Variants in CTNND2 observed in about 807,000 individuals in gnomAD.
The protein encoded by CTNND2 is catenin delta-2.
A neutral mutation model predicts 144.4 loss-of-function variants in CTNND2; 22 were observed. The observed-to-expected ratio is 0.15, with a 90% CI of 0.11 to 0.22. The LOEUF (loss-of-function observed/expected upper bound fraction) is 0.22. CTNND2 is among the 10% of genes least tolerant of loss of function. CTNND2 has a pLI of 1.00. For synonymous variants in CTNND2, 751 were observed against 695.6 expected (o/e 1.08, Z -1.25); for missense variants, 1,353 against 1,618.8 (o/e 0.84, Z 2.82).
intron 10 of CTNND2, among the ~76,000 whole-genome samples, chr5:11,206,052 C>T (rs1207260425): frequency 1.3e-5 from 2 of 152,166 alleles, no homozygotes; most frequent in African/African-American, 2.4e-5. Context: ...CATTATGTGT[C>T]ACAGAACCAT....
chr5:11,102,651 T>C (rs1752011321), intron 14 of CTNND2, among the ~76,000 whole-genome samples: 1 of 152,186 alleles, frequency 6.6e-6, no homozygotes, highest in Non-Finnish European at 1.5e-5. Context: ...TAAAACTGTA[T>C]AGAATTGAAA....
rs569847368 is a variant in CTNND2, at chr5:11,080,901, C to A, written c.2788+1795G>T. Among the ~76,000 whole-genome samples the A allele has an allele frequency of 1.4e-4, 22 of 152,252 alleles. No individual in the cohort carries two copies. The South Asian group carries it at 4.4e-3, about 30-fold the overall frequency. The stretch of plus-strand genomic sequence containing the variant: ...GACCATCCTGGCCAACATGGTGAGG[C>A]CCCACCTCCACTAAAAAATACACAA... On this transcript the variant is annotated intron_variant, in intron 16 of 21. Coordinates refer to ENST00000304623, the MANE Select transcript of CTNND2 (RefSeq NM_001332.4).
chr5:11,164,060 T>C (rs61751852), intron 11 of CTNND2, among the ~76,000 whole-genome samples: 12,330 of 152,134 alleles, frequency 0.081, 839 homozygotes, highest in East Asian at 0.33. Context: ...GGGGGCTGCC[T>C]GCATCGCATT....
intron 2 of CTNND2, among the ~76,000 whole-genome samples, chr5:11,583,164 G>A (rs1778570703): frequency 1.3e-5 from 2 of 152,208 alleles, no homozygotes; most frequent in African/African-American, 4.8e-5. Context: ...CAATGCAACT[G>A]AGTCAGGAAG....
At chr5:11,761,760 T>C (rs903667159) in intron 1 of CTNND2, among the ~76,000 whole-genome samples, 3 of 152,162 alleles carry the variant, frequency 2.0e-5, no homozygotes, top group Admixed American at 1.3e-4. Flanking sequence ...TCAAGTAGCA[T>C]AGGATCTAAC....
chr5:11,585,515 T>TCTATCTAC (rs1554089677), intron 2 of CTNND2, among the ~76,000 whole-genome samples: 8 of 151,778 alleles, frequency 5.3e-5, no homozygotes, highest in Admixed American at 3.3e-4. Flanking sequence ...TATCTATCTA[T>TCTATCTAC]CTATCTATAT....
intron 3 of CTNND2, among the ~76,000 whole-genome samples, chr5:11,430,395 T>A (rs1038181498): frequency 9.4e-6 from 1 of 106,302 alleles, no homozygotes; most frequent in African/African-American, 3.6e-5. Context: ...AGTTCAAAAA[T>A]AATGATGTAG....
At chr5:11,446,035 G>A (rs576684029) in intron 3 of CTNND2, among the ~76,000 whole-genome samples, 4 of 152,282 alleles carry the variant, frequency 2.6e-5, no homozygotes, top group South Asian at 4.1e-4. Context: ...GCAGTGGCGC[G>A]ATCTTGGCTC....
intron 6 of CTNND2, among the ~76,000 whole-genome samples, chr5:11,389,462 T>C (rs1759421684): frequency 6.6e-6 from 1 of 151,038 alleles, no homozygotes; most frequent in Non-Finnish European, 1.5e-5. Flanking sequence ...TTAGGATATA[T>C]TCAGTGTCAC....
At chr5:11,447,995 A>C (rs1380910207) in intron 3 of CTNND2, among the ~76,000 whole-genome samples, 1 of 152,190 alleles carries the variant, frequency 6.6e-6, no homozygotes. Flanking sequence ...AGAAACTCGG[A>C]GTTGAAACTG....
chr5:11,876,216 GAGGGAGGAGGCGGGAGGCAGC>G (rs545339768), intron 1 of CTNND2, among the ~76,000 whole-genome samples: 1,666 of 151,716 alleles, frequency 0.011, 36 homozygotes, highest in Admixed American at 0.055. Context: ...GAGGAGGCAG[GAGGGAGGAGGCGGGAGGCAGC>G]AGGGAGGAGG....
chr5:11,458,260 G>C (rs1480958098), intron 3 of CTNND2, among the ~76,000 whole-genome samples: 1 of 151,810 alleles, frequency 6.6e-6, no homozygotes, highest in African/African-American at 2.4e-5. Context: ...AGGAAGACAG[G>C]CCCAGGGGAA....
At chr5:11,566,133 G>T (rs1053352217) in intron 2 of CTNND2, among the ~76,000 whole-genome samples, 1 of 152,144 alleles carries the variant, frequency 6.6e-6, no homozygotes, top group Non-Finnish European at 1.5e-5. Flanking sequence ...AGAATCTGGT[G>T]TGTCCCCTAT....
chr5:11,824,166 TA>T (rs1793478903), intron 1 of CTNND2, among the ~76,000 whole-genome samples: 1 of 151,350 alleles, frequency 6.6e-6, no homozygotes, highest in South Asian at 2.1e-4. Context: ...TTTAAAAAAT[TA>T]TTAGACTTCT....
intron 9 of CTNND2, among the ~76,000 whole-genome samples, chr5:11,240,430 TCA>T (rs1330883339): frequency 2.2e-5 from 1 of 45,358 alleles, no homozygotes; most frequent in Admixed American, 3.0e-4. Flanking sequence ...TGACACACAC[TCA>T]CACACACCCA....
chr5:11,745,690 G>C (rs979538419), intron 1 of CTNND2, among the ~76,000 whole-genome samples: 1 of 152,086 alleles, frequency 6.6e-6, no homozygotes, highest in Non-Finnish European at 1.5e-5. Context: ...CTCCTAACCT[G>C]CCTCTCATGC....
At chr5:11,604,475 T>A (rs892857243) in intron 2 of CTNND2, among the ~76,000 whole-genome samples, 7 of 152,230 alleles carry the variant, frequency 4.6e-5, no homozygotes, top group Non-Finnish European at 7.3e-5. Context: ...CCGAAGCTGA[T>A]GTCTTGTGGA....
In CTNND2 at chr5:11,701,746, G is replaced by A. The variant is rs115351561; in HGVS notation, c.174+30390C>T. Among the ~76,000 whole-genome samples the A allele has an allele frequency of 3.9e-3, 593 of 152,220 alleles. 5 individuals are homozygous for A. Among genetic ancestry groups the A allele is most frequent in the African/African-American group, 0.014 (563 of 41,528 alleles). On this transcript the variant is annotated intron_variant, in intron 2 of 21. Coordinates refer to ENST00000304623, the MANE Select transcript of CTNND2 (RefSeq NM_001332.4). ...TATAAGTGCAGCATTTCTGTTACAAGTCTTATAAAATATATGAAGTATTTA... is the reference window on the plus strand; with the variant it reads ...TATAAGTGCAGCATTTCTGTTACAAATCTTATAAAATATATGAAGTATTTA...
intron 1 of CTNND2, among the ~76,000 whole-genome samples, chr5:11,807,886 T>C (rs917870928): frequency 6.6e-6 from 1 of 152,186 alleles, no homozygotes; most frequent in Non-Finnish European, 1.5e-5. Flanking sequence ...TTATTAATGA[T>C]TGTGTTTGAG....
Sources: allele counts gnomAD v4.1 joint callset (sites outside exome capture counted in the v4.1 genomes callset), GRCh38; gene constraint gnomAD v4.1.1; transcripts MANE v1.5; gene names NCBI Gene and HGNC (gene_info 2026-07-23, HGNC 2026-07-21).